Variants in INPPL1 observed in about 807,000 individuals in gnomAD.
The protein encoded by INPPL1 is inositol polyphosphate phosphatase like 1.
A neutral mutation model predicts 139.3 loss-of-function variants in INPPL1; 91 were observed. The ratio of observed to expected loss-of-function variants is 0.65; its 90% CI spans 0.55 to 0.78. The LOEUF (loss-of-function observed/expected upper bound fraction) is 0.78. Ranked by LOEUF, INPPL1 falls within the 30% of genes least tolerant of loss-of-function variation. INPPL1 has a pLI of 0.00. For missense variants in INPPL1, 1,411 were observed against 1,665.6 expected, an observed-to-expected ratio of 0.85 and a Z score of 2.66; for synonymous variants, 719 against 686.6, an observed-to-expected ratio of 1.05 and a Z score of -0.74.
chr11:72,227,512 G>A (rs919142728), intron 1 of INPPL1, among the ~76,000 whole-genome samples: 1 of 152,126 alleles, frequency 6.6e-6, no homozygotes, highest in Non-Finnish European at 1.5e-5. Flanking sequence ...GGGGAAGCAT[G>A]CCCTGAGGTG....
Position 72,235,889 on chromosome 11 carries a change from C to T in INPPL1, c.2782C>T (p.Leu928Phe). 1.2e-6 allele frequency: 2 copies of T among 1,613,340 alleles called. No homozygotes were observed. Among genetic ancestry groups the T allele is most frequent in the East Asian group, 2.2e-5 (1 of 44,876 alleles). The change falls in exon 25 of 28, where the codon CTC becomes TTC. Residue 928 changes from leucine to phenylalanine, a missense_variant. By Grantham distance (22) the Leu-to-Phe change is conservative. Coordinates refer to ENST00000298229, the MANE Select transcript of INPPL1 (RefSeq NM_001567.4). The surrounding 1 kb of genome is among the most constrained non-coding windows in gnomAD (Gnocchi z 4.9). ...AGCCTTCACAGAGGCCTCCTGCCCG[C>T]TCTCCAGGTTATTTGAAGAACCAGA... ...KPAFTEASCPLSRLFEEPEKP... is the reference protein window; with the variant it reads ...KPAFTEASCPFSRLFEEPEKP...
rs754540210 is a variant in INPPL1, at chr11:72,228,802, G to A, written c.473G>A (p.Ser158Asn). The change falls in exon 4 of 28, where the codon AGT becomes AAT. Residue 158 changes from serine (S) to asparagine (N), a missense_variant. Transcript: ENST00000298229. The surrounding 1 kb of genome is among the most constrained non-coding windows in gnomAD (Gnocchi z 5.0). ...TSISAPTGPS[S>N]PLPAPETPTA... ...ATTTCTGCCCCCACTGGGCCCAGCA[G>A]TCCCCTGCCAGCTCCTGAGACTCCC... 2.5e-6 allele frequency: 4 copies of A among 1,612,810 alleles called. No individual in the cohort carries two copies. In the East Asian group the frequency reaches 8.9e-5, roughly 36 times the overall value.
In INPPL1 at chr11:72,236,009, GC is replaced by G. The variant is rs769391275; in HGVS notation, c.2879+30del. 1,440 of 1,342,900 alleles carry G rather than the reference GC, an allele frequency of 1.1e-3. 4 individuals are homozygous for G. Among genetic ancestry groups the G allele is most frequent in the Non-Finnish European group, 1.4e-3 (1,357 of 983,296 alleles). The allele number at this position is 1,342,900 out of a possible 1,614,324, so 83.2% of individuals were successfully genotyped here. A position where few individuals can be genotyped will look rare whatever the true frequency, so the allele number is the denominator to read the frequency against. The stretch of plus-strand genomic sequence containing the variant: ...CAGGTGAGAGGAGGAACCTGTCACC[GC>G]CCCCCCTTCCCCCACCCACCTCTAT... On this transcript the variant is annotated intron_variant, in intron 25 of 27. Coordinates refer to ENST00000298229, the MANE Select transcript of INPPL1 (RefSeq NM_001567.4).
chr11:72,227,116 C>G (rs958453832), intron 1 of INPPL1, among the ~76,000 whole-genome samples: 1 of 152,200 alleles, frequency 6.6e-6, no homozygotes, highest in Non-Finnish European at 1.5e-5. Flanking sequence ...TCATGGATAA[C>G]ATGCAAGACA....
In INPPL1 at chr11:72,229,164, G is replaced by A. The variant is rs1340687050; in HGVS notation, c.593G>A (p.Arg198Lys). The A allele has an allele frequency of 3.1e-6, 5 of 1,613,820 alleles. No homozygotes were observed. Among genetic ancestry groups the A allele is most frequent in the South Asian group, 1.1e-5 (1 of 91,062 alleles). ...TATGGGCTGGACCTGGAAGCTGTGAGGGGTGGAGCCAGCCACCTGCCCCAC... is the reference window on the plus strand; with the variant it reads ...TATGGGCTGGACCTGGAAGCTGTGAAGGGTGGAGCCAGCCACCTGCCCCAC... Reference protein sequence around the residue: ...GSYGLDLEAVRGGASHLPHLT... With the variant: ...GSYGLDLEAVKGGASHLPHLT... The change falls in exon 5 of 28, where the codon AGG becomes AAG. Residue 198 changes from arginine (R) to lysine (K), a missense_variant. Arg to Lys is a conservative substitution (Grantham distance 26). Around this residue, in one of 5 missense-constraint regions of INPPL1, gnomAD observed 504 missense variants for 595.6 expected, o/e 0.85. Coordinates refer to ENST00000298229, the MANE Select transcript of INPPL1 (RefSeq NM_001567.4).
At chr11:72,232,512 C>A in intron 14 of INPPL1, 114 bp from the exon 15 acceptor site, 1 of 1,392,770 alleles carries the variant, frequency 7.2e-7, no homozygotes, top group Non-Finnish European at 9.9e-7. Context: ...CCCCAGGGGC[C>A]CGGATCTTTA....
In INPPL1 at chr11:72,230,793, C is replaced by A; in HGVS notation, c.1198-3C>A. 1.9e-6 allele frequency: 3 copies of A among 1,613,588 alleles called. No homozygotes were observed. Among genetic ancestry groups the A allele is most frequent in the Non-Finnish European group, 1.7e-6 (2 of 1,179,716 alleles). On this transcript the variant is annotated splice_polypyrimidine_tract_variant and splice_region_variant and intron_variant, in intron 10 of 27. Coordinates refer to ENST00000298229, the MANE Select transcript of INPPL1 (RefSeq NM_001567.4). Reference sequence around the variant, plus strand: ...CGCCCCTGAGTGGCTGCTGTTCCCCCAGAAGCGGGAGGCCTTCTGCCAGCT... The same window carrying A: ...CGCCCCTGAGTGGCTGCTGTTCCCCAAGAAGCGGGAGGCCTTCTGCCAGCT...
chr11:72,238,690 C>G lies in INPPL1; in HGVS notation c.*337C>G. ...GTCCATTTGGGTACGTCTGGGCCCC[C>G]ACTTTCACCAGTTTCTGCGGCCTTC... On this transcript the variant is annotated 3_prime_UTR_variant, in exon 28 of 28. Transcript: ENST00000298229. The G allele has an allele frequency of 5.3e-6, 1 of 188,988 alleles. No individual in the cohort carries two copies. Among genetic ancestry groups the G allele is most frequent in the South Asian group, 1.8e-4 (1 of 5,418 alleles). 11.7% of individuals were successfully genotyped at this position (188,988 alleles called of 1,614,324 possible). A position where few individuals can be genotyped will look rare whatever the true frequency, so the allele number is the denominator to read the frequency against.
At chr11:72,236,459 T>C (rs1948992431) in intron 25 of INPPL1, among the ~76,000 whole-genome samples, 1 of 152,234 alleles carries the variant, frequency 6.6e-6, no homozygotes, top group Non-Finnish European at 1.5e-5. Context: ...GCTCTGAGCA[T>C]GTGGACAGGA....
At position 72,230,423 on chromosome 11, in the gene INPPL1, GA is replaced by G. The variant is rs1948800200; in HGVS notation, c.1154del (p.Lys385ArgfsTer27). ...AGCTGGGTGTTGTGTTTGAGAAGGA[GA>G]AGGACCGGACTCAGCGCAAGGACTT... ...NKLGVVFEKE[K>X]DRTQRKDFIF... On this transcript the variant is annotated frameshift_variant, in exon 10 of 28. Coordinates refer to ENST00000298229, the MANE Select transcript of INPPL1 (RefSeq NM_001567.4). LOFTEE classifies it high-confidence loss of function. 2 of 1,614,016 alleles carry G rather than the reference GA, an allele frequency of 1.2e-6. No homozygotes were observed. The highest frequency in any genetic ancestry group is 1.7e-6 in the Non-Finnish European group (2 of 1,180,058).
At position 72,233,116 on chromosome 11, in the gene INPPL1, C is replaced by T. The variant is rs201836862; in HGVS notation, c.1993C>T (p.Arg665Trp). 9 of 1,614,016 alleles carry T rather than the reference C, an allele frequency of 5.6e-6. No homozygotes were observed. The highest frequency in any genetic ancestry group is 2.2e-5 in the East Asian group (1 of 44,886). ...CTTCCCACCCACCTACCGCTATGAG[C>T]GGGGTTCCCGGGACACATATGCCTG... ...ISFPPTYRYE[R>W]GSRDTYAWHK... The change falls in exon 17 of 28, where the codon CGG becomes TGG. Residue 665 changes from arginine (R) to tryptophan (W), a missense_variant. Arg to Trp is a moderately radical substitution (Grantham distance 101). Transcript: ENST00000298229.
rs746746555 is a variant in INPPL1, at chr11:72,232,971, T to A, written c.1948T>A (p.Phe650Ile). ...GGAGAAGCACAAGGTCTTCCTTCGATTCAGTGAGTGTGGGCCTGGTAGGTG... is the reference window on the plus strand; with the variant it reads ...GGAGAAGCACAAGGTCTTCCTTCGAATCAGTGAGTGTGGGCCTGGTAGGTG... Reference protein sequence around the residue: ...EREKHKVFLRFSEEEISFPPT... With the variant: ...EREKHKVFLRISEEEISFPPT... Residue 650 changes from phenylalanine (F) to isoleucine (I), a missense_variant, in exon 16 of 28, where the codon TTC (phenylalanine) becomes ATC (isoleucine). Physicochemically the swap from Phe to Ile is conservative, Grantham distance 21. Transcript: ENST00000298229. The A allele has an allele frequency of 6.2e-7, 1 of 1,613,898 alleles. No individual in the cohort carries two copies. Among genetic ancestry groups the A allele is most frequent in the South Asian group, 1.1e-5 (1 of 91,064 alleles).
Position 72,238,560 on chromosome 11 carries a change from C to T in INPPL1, c.*207C>T. The T allele has an allele frequency of 2.2e-6, 1 of 448,314 alleles. No individual in the cohort carries two copies. The highest frequency in any genetic ancestry group is 4.8e-5 in the South Asian group (1 of 20,692). The allele number at this position is 448,314 out of a possible 1,614,324, so 27.8% of individuals were successfully genotyped here. A position where few individuals can be genotyped will look rare whatever the true frequency, so the allele number is the denominator to read the frequency against. On this transcript the variant is annotated 3_prime_UTR_variant, in exon 28 of 28. Transcript: ENST00000298229. ...GGCATCCTGCCCCTCGCCTTTTAGGCTCAGGACGGAAGGTCAGTTGCCATG... is the reference window on the plus strand; with the variant it reads ...GGCATCCTGCCCCTCGCCTTTTAGGTTCAGGACGGAAGGTCAGTTGCCATG...
Position 72,235,878 on chromosome 11 carries a change from C to A in INPPL1, c.2771C>A (p.Ala924Asp). The A allele has an allele frequency of 6.2e-7, 1 of 1,613,300 alleles. No individual in the cohort carries two copies. The highest frequency in any genetic ancestry group is 1.1e-5 in the South Asian group (1 of 91,028). ...AGCCGCAAGCCAGCCTTCACAGAGG[C>A]CTCCTGCCCGCTCTCCAGGTTATTT... ...SGSRKPAFTE[A>D]SCPLSRLFEE... Residue 924 changes from alanine (A) to aspartate (D), a missense_variant, in exon 25 of 28, where the codon GCC (alanine) becomes GAC (aspartate). Ala to Asp is a moderately radical substitution (Grantham distance 126, BLOSUM62 -2). This residue lies in a region of INPPL1 where 99 missense variants were observed against 171.6 expected (regional missense o/e 0.58). Transcript: ENST00000298229. The surrounding 1 kb of genome is among the most constrained non-coding windows in gnomAD (Gnocchi z 4.9).
At chr11:72,232,414 C>T (rs1948860482) in intron 14 of INPPL1, 78 bp downstream of exon 14, 23 of 1,350,542 alleles carry the variant, frequency 1.7e-5, no homozygotes, top group South Asian at 1.3e-5. Context: ...CATACCCTAG[C>T]CCATGACCCT....
rs943481759 is a variant in INPPL1 at position 72,224,824 on chromosome 11, G to A, written c.-161G>A. The A allele has an allele frequency of 2.4e-5, 7 of 297,708 alleles. No individual in the cohort carries two copies. The highest frequency in any genetic ancestry group is 3.6e-5 in the Non-Finnish European group (7 of 195,008). The allele number at this position is 297,708 out of a possible 1,614,324, so 18.4% of individuals were successfully genotyped here. ...CAGCGGCGGCTGCGCGGTGAACGAG[G>A]CGGCCTGCGCGGCGGAGTGCTGAGT... On this transcript the variant is annotated 5_prime_UTR_variant, in exon 1 of 28. Transcript: ENST00000298229.
chr11:72,230,910 G>A lies in INPPL1; in HGVS notation c.1300+12G>A, dbSNP rs70940826. The A allele has an allele frequency of 2.3e-5, 37 of 1,613,642 alleles. No homozygotes were observed. In the East Asian group the frequency reaches 7.1e-4, roughly 31 times the overall value. On this transcript the variant is annotated intron_variant, in intron 11 of 27. Transcript: ENST00000298229. The stretch of plus-strand genomic sequence containing the variant: ...CACCTGGAACATGGGTCAGGCCCGG[G>A]CTGGGGCTGGGGCGGGAGAGAGGGA...
chr11:72,234,523 C>A lies in INPPL1; in HGVS notation c.2327-4C>A. 1 of 1,609,920 alleles carries A rather than the reference C, an allele frequency of 6.2e-7. No individual in the cohort carries two copies. The highest frequency in any genetic ancestry group is 8.5e-7 in the Non-Finnish European group (1 of 1,176,326). On this transcript the variant is annotated splice_region_variant and splice_polypyrimidine_tract_variant and intron_variant, in intron 20 of 27. Coordinates refer to ENST00000298229, the MANE Select transcript of INPPL1 (RefSeq NM_001567.4). The surrounding 1 kb of genome is among the most constrained non-coding windows in gnomAD (Gnocchi z 4.2). ...CAGTTGGGTGTCTCCCACCCCCACCCCAGAATACAAGAAGAGCTTTGAGAA... is the reference window on the plus strand; with the variant it reads ...CAGTTGGGTGTCTCCCACCCCCACCACAGAATACAAGAAGAGCTTTGAGAA...
intron 10 of INPPL1, 113 bp from the exon 11 acceptor site, chr11:72,230,683 G>A (rs1275664400): frequency 1.1e-6 from 1 of 930,432 alleles, no homozygotes; most frequent in Non-Finnish European, 1.7e-6. Context: ...GGTATGCAGT[G>A]GAGAACCAGA....
Sources: gnomAD v4.1 joint callset for allele counts (sites outside exome capture counted in the v4.1 genomes callset) on GRCh38, gnomAD v4.1.1 for gene constraint, gnomAD v4.1.1 regional missense constraint, Gnocchi (gnomAD v3.1) non-coding constraint, MANE v1.5 for transcripts, NCBI Gene and HGNC (gene_info 2026-07-23, HGNC 2026-07-21) for gene names.